LPP: variants seen among roughly 807,000 people sequenced by gnomAD.
The protein encoded by LPP is LIM domain containing preferred translocation partner in lipoma, also known as lipoma-preferred partner.
A neutral mutation model predicts 60.4 loss-of-function variants in LPP; 38 were observed. The ratio of observed to expected loss-of-function variants is 0.63; its 90% CI spans 0.49 to 0.83. The LOEUF is 0.83. LPP is among the 40% of genes least tolerant of loss of function. The pLI, the probability that LPP is intolerant of heterozygous loss-of-function variation, is 0.00. For missense variants in LPP, 902 were observed against 783.6 expected, an observed-to-expected ratio of 1.15 and a Z score of -1.80; for synonymous variants, 328 against 290.8, an observed-to-expected ratio of 1.13 and a Z score of -1.30.
intron 2 of LPP, chr3:188,240,070 C>G (rs919905983): frequency 1.0e-5 from 2 of 197,570 alleles, no homozygotes; most frequent in Admixed American, 6.0e-5. Flanking sequence ...TCTGGTATTG[C>G]TGTCCTGTAG....
chr3:188,365,115 C>T lies in LPP; in HGVS notation c.-10+23396C>T, dbSNP rs564474851. On this transcript the variant is annotated intron_variant, in intron 3 of 11. Transcript: ENST00000617246. Reference sequence around the variant, plus strand: ...AGATGAGTTTTAAGGGTAATAGAAGCGCTTTTTTTTTTTTTTCTGGTGACC... The same window carrying T: ...AGATGAGTTTTAAGGGTAATAGAAGTGCTTTTTTTTTTTTTTCTGGTGACC... 1.8e-3 allele frequency among the ~76,000 whole-genome samples: 247 copies of T among 140,954 alleles called. 1 individual carries two copies. The highest frequency in any genetic ancestry group is 6.1e-3 in the African/African-American group (235 of 38,574). The allele number at this position is 140,954 out of a possible 152,430, so 92.5% of individuals were successfully genotyped here.
intron 7 of LPP, among the ~76,000 whole-genome samples, chr3:188,698,087 A>G (rs1240280577): frequency 6.6e-6 from 1 of 152,204 alleles, no homozygotes; most frequent in Non-Finnish European, 1.5e-5. Context: ...GGGACAATGC[A>G]TAGAAAGCTG....
intron 9 of LPP, among the ~76,000 whole-genome samples, chr3:188,863,795 A>G (rs781378463): frequency 2.6e-5 from 4 of 152,110 alleles, no homozygotes; most frequent in Non-Finnish European, 5.9e-5. Flanking sequence ...CTTTGAATGC[A>G]GCATCTGTAG....
At chr3:188,363,201 C>T (rs376127629) in intron 3 of LPP, among the ~76,000 whole-genome samples, 20 of 152,268 alleles carry the variant, frequency 1.3e-4, no homozygotes, top group African/African-American at 4.8e-4. Context: ...TCTCTTTCAC[C>T]ATTCAAGCTT....
chr3:188,601,569 T>C (rs1841173848), intron 6 of LPP, among the ~76,000 whole-genome samples: 1 of 152,182 alleles, frequency 6.6e-6, no homozygotes. Flanking sequence ...TGGGATTTCC[T>C]GTTCGGCTTT....
At chr3:188,317,577 C>G (rs971607172) in intron 2 of LPP, among the ~76,000 whole-genome samples, 1 of 152,160 alleles carries the variant, frequency 6.6e-6, no homozygotes, top group Non-Finnish European at 1.5e-5. Flanking sequence ...CTTAACCACA[C>G]TGTAAATTAA....
At chr3:188,353,567 T>C (rs1766593618) in intron 3 of LPP, among the ~76,000 whole-genome samples, 1 of 152,250 alleles carries the variant, frequency 6.6e-6, no homozygotes, top group African/African-American at 2.4e-5. Context: ...TTTAGATCTT[T>C]TGTCTCCAAA....
At chr3:188,313,645 A>C (rs952030964) in intron 2 of LPP, among the ~76,000 whole-genome samples, 1 of 151,900 alleles carries the variant, frequency 6.6e-6, no homozygotes, top group African/African-American at 2.4e-5. Flanking sequence ...TCAAAAAAAA[A>C]AAAAAATAAA....
chr3:188,485,568 C>T (rs965895494), intron 5 of LPP, among the ~76,000 whole-genome samples: 2 of 151,740 alleles, frequency 1.3e-5, no homozygotes, highest in South Asian at 2.1e-4. Context: ...GAGGCCGAGG[C>T]GGGCGGATCA....
At chr3:188,801,247 C>G (rs1196606236) in intron 9 of LPP, among the ~76,000 whole-genome samples, 2 of 151,984 alleles carry the variant, frequency 1.3e-5, no homozygotes, top group Non-Finnish European at 2.9e-5. Flanking sequence ...ATTGGAAGAG[C>G]CTTCAGAGAT....
chr3:188,212,846 A>C (rs948416421), intron 1 of LPP: 1 of 152,288 alleles, frequency 6.6e-6, no homozygotes, highest in Admixed American at 6.5e-5. Context: ...GTACATCATT[A>C]CTGCCATTTC....
rs1054346872 is a variant in LPP at position 188,825,700 on chromosome 3, C to G, written c.1411-40500C>G. On this transcript the variant is annotated intron_variant, in intron 9 of 11. Coordinates refer to ENST00000617246, the MANE Select transcript of LPP (RefSeq NM_001375462.1). ...GACTGCCTCCTTTGCAAACCTTTAC[C>G]ATGGGTACCTAGAAAAAGACATACA... Among the ~76,000 whole-genome samples the G allele has an allele frequency of 2.6e-5, 4 of 152,014 alleles. No homozygotes were observed. In the South Asian group the frequency reaches 8.3e-4, roughly 31 times the overall value.
intron 9 of LPP, among the ~76,000 whole-genome samples, chr3:188,862,757 G>T (rs1352951663): frequency 8.8e-6 from 1 of 113,696 alleles, no homozygotes; most frequent in African/African-American, 3.6e-5. Context: ...AGAAAAGAAA[G>T]AAAGAAAAAG....
intron 8 of LPP, among the ~76,000 whole-genome samples, chr3:188,742,829 A>G (rs1724913775): frequency 6.6e-6 from 1 of 152,180 alleles, no homozygotes; most frequent in Admixed American, 6.6e-5. Flanking sequence ...ATACCTCAAC[A>G]AAGGTGGTTT....
At chr3:188,274,079 T>G (rs1738809050) in intron 2 of LPP, among the ~76,000 whole-genome samples, 1 of 152,220 alleles carries the variant, frequency 6.6e-6, no homozygotes, top group Non-Finnish European at 1.5e-5. Flanking sequence ...GTAAGTTTCT[T>G]GTGTTGGCTT....
intron 9 of LPP, among the ~76,000 whole-genome samples, chr3:188,848,914 TGAG>T (rs1762105778): frequency 6.7e-6 from 1 of 150,284 alleles, no homozygotes; most frequent in Non-Finnish European, 1.5e-5. Flanking sequence ...TGCAGTGAGC[TGAG>T]ATCTCACCAC....
At chr3:188,823,714 T>G (rs1460410808) in intron 9 of LPP, among the ~76,000 whole-genome samples, 1 of 152,184 alleles carries the variant, frequency 6.6e-6, no homozygotes, top group Non-Finnish European at 1.5e-5. Flanking sequence ...AGTGGTCAGT[T>G]GGTAAAGATT....
chr3:188,347,315 T>C (rs1184362195), intron 3 of LPP, among the ~76,000 whole-genome samples: 1 of 152,232 alleles, frequency 6.6e-6, no homozygotes, highest in Non-Finnish European at 1.5e-5. Context: ...TCATACATTA[T>C]GAATTACTTC....
In LPP at chr3:188,449,526, C is replaced by T. The variant is rs1796105509; in HGVS notation, c.194-35066C>T. Among the ~76,000 whole-genome samples, 4 of 152,080 alleles carry T rather than the reference C, an allele frequency of 2.6e-5. No individual in the cohort carries two copies. In the South Asian group the frequency reaches 8.3e-4, roughly 31 times the overall value. On this transcript the variant is annotated intron_variant, in intron 4 of 11. Transcript: ENST00000617246. ...ACTATAATAATCTCACAACAAACTC[C>T]ATGAGACAGGGACTGTTATCTAGTG... is the stretch of plus-strand genomic sequence containing the variant.
Sources: gnomAD v4.1 joint callset for allele counts (sites outside exome capture counted in the v4.1 genomes callset) on GRCh38, gnomAD v4.1.1 for gene constraint, MANE v1.5 for transcripts, NCBI Gene and HGNC (gene_info 2026-07-23, HGNC 2026-07-21) for gene names.